The following KDM4B variants were observed in gnomAD, a reference collection of about 807,000 sequenced individuals.
KDM4B encodes the protein lysine demethylase 4B.
A neutral mutation model predicts 125.2 loss-of-function variants in KDM4B; 32 were observed. The ratio of observed to expected loss-of-function variants is 0.26; its 90% CI spans 0.19 to 0.34. The LOEUF is 0.34. Among genes scored for constraint, KDM4B ranks in the 10% least tolerant of loss-of-function variants. KDM4B has a pLI of 1.00. For missense variants in KDM4B, 1,190 were observed against 1,577.7 expected, an observed-to-expected ratio of 0.75 and a Z score of 4.16; for synonymous variants, 721 against 677.9, an observed-to-expected ratio of 1.06 and a Z score of -0.99.
chr19:4,972,729 A>G (rs934496647), intron 1 of KDM4B, among the ~76,000 whole-genome samples: 2 of 151,452 alleles, frequency 1.3e-5, no homozygotes, highest in African/African-American at 4.9e-5. Flanking sequence ...TTTCCTCCCC[A>G]CTCACCCTTT....
At chr19:4,972,216 G>A (rs567895077) in intron 1 of KDM4B, among the ~76,000 whole-genome samples, 2 of 152,292 alleles carry the variant, frequency 1.3e-5, no homozygotes, top group South Asian at 4.1e-4. Context: ...TCTGCCCTCT[G>A]TCCCATGCCC....
intron 6 of KDM4B, among the ~76,000 whole-genome samples, chr19:5,068,504 C>T (rs902499135): frequency 6.6e-6 from 1 of 152,188 alleles, no homozygotes; most frequent in Non-Finnish European, 1.5e-5. Context: ...CGCCTCCAGC[C>T]TCACTCAGTT....
At chr19:5,099,531 TG>T (rs1238510728) in intron 9 of KDM4B, among the ~76,000 whole-genome samples, 6 of 152,194 alleles carry the variant, frequency 3.9e-5, no homozygotes, top group Admixed American at 6.5e-5. Flanking sequence ...CTTCCCAGAA[TG>T]GGGGTTAATC....
At chr19:5,012,543 C>T (rs948267555) in intron 1 of KDM4B, among the ~76,000 whole-genome samples, 1 of 152,204 alleles carries the variant, frequency 6.6e-6, no homozygotes, top group Admixed American at 6.5e-5. Context: ...TCTCCTCAGG[C>T]TCCTCTGGGC....
intron 1 of KDM4B, among the ~76,000 whole-genome samples, chr19:4,969,526 G>A (rs887804694): frequency 2.7e-5 from 4 of 150,516 alleles, no homozygotes; most frequent in African/African-American, 4.8e-5. Context: ...GGCGCGCGGG[G>A]GCTGGGCACA....
chr19:5,016,566 C>T (rs1351901685), intron 2 of KDM4B, among the ~76,000 whole-genome samples: 7 of 152,254 alleles, frequency 4.6e-5, no homozygotes, highest in South Asian at 2.1e-4. Flanking sequence ...GCTTGCATCT[C>T]GCCCTTCGGC....
intron 11 of KDM4B, among the ~76,000 whole-genome samples, chr19:5,122,226 C>T (rs1390389932): frequency 6.6e-6 from 1 of 152,172 alleles, no homozygotes; most frequent in Non-Finnish European, 1.5e-5. Flanking sequence ...TGGCTCAGAG[C>T]CCCTTCCTCC....
chr19:5,047,445 C>T (rs756358506), intron 5 of KDM4B, 31 bp from the exon 6 acceptor site: 13 of 1,570,034 alleles, frequency 8.3e-6, no homozygotes, highest in South Asian at 1.2e-5. Context: ...GGTGGCCGGG[C>T]GGTTGCCGAC....
intron 2 of KDM4B, among the ~76,000 whole-genome samples, chr19:5,016,567 G>A (rs1437591403): frequency 6.6e-6 from 1 of 152,208 alleles, no homozygotes; most frequent in Non-Finnish European, 1.5e-5. Context: ...CTTGCATCTC[G>A]CCCTTCGGCA....
chr19:5,093,428 C>G (rs991088960), intron 9 of KDM4B, among the ~76,000 whole-genome samples: 1 of 152,158 alleles, frequency 6.6e-6, no homozygotes, highest in Non-Finnish European at 1.5e-5. Flanking sequence ...GGAATGGCCC[C>G]GCAGCCGAAG....
intron 6 of KDM4B, among the ~76,000 whole-genome samples, chr19:5,051,781 G>A (rs1466249602): frequency 1.3e-5 from 2 of 152,214 alleles, no homozygotes; most frequent in South Asian, 2.1e-4. Flanking sequence ...CCCGGACTGC[G>A]ACCTTGACCT....
In KDM4B at chr19:5,138,003, G is replaced by A. The variant is rs373439518; in HGVS notation, c.2483G>A (p.Arg828His). 43 of 1,612,522 alleles carry A rather than the reference G, an allele frequency of 2.7e-5. No homozygotes were observed. The highest frequency in any genetic ancestry group is 2.5e-4 in the African/African-American group (19 of 74,886). ...VICAIAVPEA[R>H]FLNVIERHPV... ...TGTGCCATCGCAGTCCCCGAGGCGC[G>A]CTTCCTGAACGTGATTGAGCGCCAC... The change falls in exon 18 of 23, where the codon CGC becomes CAC. Residue 828 changes from arginine to histidine, a missense_variant. Arg to His is a conservative substitution (Grantham distance 29). Around this residue, in one of 7 missense-constraint regions of KDM4B, gnomAD observed 298 missense variants for 439.7 expected, o/e 0.68. Transcript: ENST00000159111.
intron 12 of KDM4B, 65 bp from the exon 13 acceptor site, chr19:5,131,822 C>T: frequency 1.9e-6 from 3 of 1,607,476 alleles, no homozygotes; most frequent in Non-Finnish European, 2.5e-6. Context: ...CCCTGTGTGG[C>T]TCCGAGGGAG....
At chr19:5,054,462 A>ATGTGTG (rs3070257) in intron 6 of KDM4B, among the ~76,000 whole-genome samples, 26 of 150,478 alleles carry the variant, frequency 1.7e-4, no homozygotes, top group Non-Finnish European at 3.0e-4. Flanking sequence ...GAGAGAGAGA[A>ATGTGTG]TGTGTGTGTG....
At position 4,997,996 on chromosome 19, in the gene KDM4B, G is replaced by A. The variant is rs1404067486; in HGVS notation, c.-108-18261G>A. Among the ~76,000 whole-genome samples, 10 of 152,254 alleles carry A rather than the reference G, an allele frequency of 6.6e-5. No homozygotes were observed. Among genetic ancestry groups the A allele is most frequent in the Admixed American group, 6.5e-4 (10 of 15,290 alleles). ...TAGTTAATGATTATGGTTTTAAATG[G>A]TTAATTATGGAACATCAGATACCTA... On this transcript the variant is annotated intron_variant, in intron 1 of 22. Transcript: ENST00000159111. This position sits in a 1 kb window ranked among gnomAD's most constrained non-coding sequence, Gnocchi z 4.2.
rs547648750 is a variant in KDM4B at position 5,090,669 on chromosome 19, C to T, written c.918+8165C>T. Among the ~76,000 whole-genome samples, 52 of 134,220 alleles carry T rather than the reference C, an allele frequency of 3.9e-4. 2 individuals carry two copies. Among genetic ancestry groups the T allele is most frequent in the African/African-American group, 1.4e-3 (49 of 34,186 alleles). The allele number at this position is 134,220 out of a possible 152,430, so 88.1% of individuals were successfully genotyped here. ...TCCGGCCCCCCCTTCCCCCCACCGC[C>T]GACAGTACCACCCTCCATCAAGTGC... On this transcript the variant is annotated intron_variant, in intron 9 of 22. Transcript: ENST00000159111.
At chr19:5,090,955 G>A (rs375611284) in intron 9 of KDM4B, among the ~76,000 whole-genome samples, 12 of 152,186 alleles carry the variant, frequency 7.9e-5, no homozygotes, top group South Asian at 6.2e-4. Flanking sequence ...CCAAGGCGGC[G>A]GCTTCCTGTC....
At chr19:4,980,421 CTTTTTTTTT>C (rs572345837) in intron 1 of KDM4B, among the ~76,000 whole-genome samples, 1 of 109,730 alleles carries the variant, frequency 9.1e-6, no homozygotes, top group Non-Finnish European at 1.8e-5. Context: ...CCTTTTCTTT[CTTTTTTTTT>C]TTTTTTTTTT....
intron 1 of KDM4B, among the ~76,000 whole-genome samples, chr19:4,998,921 G>A (rs2035284557): frequency 6.6e-6 from 1 of 152,158 alleles, no homozygotes; most frequent in Non-Finnish European, 1.5e-5. Context: ...GCCCTATCAG[G>A]AGGCCCATCA....
Sources: gnomAD v4.1 joint callset for allele counts (sites outside exome capture counted in the v4.1 genomes callset) on GRCh38, gnomAD v4.1.1 for gene constraint, gnomAD v4.1.1 regional missense constraint, Gnocchi (gnomAD v3.1) non-coding constraint, MANE v1.5 for transcripts, NCBI Gene and HGNC (gene_info 2026-07-23, HGNC 2026-07-21) for gene names.